Variants in CELSR1 observed in about 807,000 individuals in gnomAD.
CELSR1 encodes adhesion G protein-coupled receptor C1.
Under a neutral mutation model 249.1 loss-of-function variants are expected in CELSR1, and 110 were observed. The observed-to-expected ratio is 0.44, with a 90% CI of 0.38 to 0.52. The LOEUF is 0.52. Among genes scored for constraint, CELSR1 ranks in the 20% least tolerant of loss-of-function variants. The pLI, the probability that CELSR1 is intolerant of heterozygous loss-of-function variation, is 0.00. For missense variants in CELSR1, 4,109 were observed against 4,296.4 expected (o/e 0.96, Z 1.22); for synonymous variants, 2,113 against 1,900.0 (o/e 1.11, Z -2.92).
chr22:46,442,257 T>C (rs4823545), intron 2 of CELSR1, among the ~76,000 whole-genome samples: 23,172 of 152,292 alleles, frequency 0.15, 2,166 homozygotes, highest in African/African-American at 0.25. Flanking sequence ...GGGTTGCTGA[T>C]GGCTCACAGC....
At position 46,390,682 on chromosome 22, in the gene CELSR1, A is replaced by C. The variant is rs1480516212; in HGVS notation, c.6251-196T>G. ...GGCCGAAGCTGCTCTGACACTGACA[A>C]CCAGGCGTTTCGGGAGCCCAGCCAA... On this transcript the variant is annotated intron_variant, in intron 16 of 34. Coordinates refer to ENST00000674500, the MANE Select transcript of CELSR1 (RefSeq NM_001378328.1). The surrounding 1 kb of genome is among the most constrained non-coding windows in gnomAD (Gnocchi z 6.3). 6.6e-6 allele frequency among the ~76,000 whole-genome samples: 1 copy of C among 152,144 alleles called. No individual in the cohort carries two copies. Among genetic ancestry groups the C allele is most frequent in the Non-Finnish European group, 1.5e-5 (1 of 68,020 alleles).
intron 18 of CELSR1, among the ~76,000 whole-genome samples, chr22:46,387,589 G>A (rs1318908557): frequency 6.6e-6 from 1 of 151,766 alleles, no homozygotes; most frequent in Non-Finnish European, 1.5e-5. Flanking sequence ...GAACTCCTGG[G>A]CTCAGGCAAT....
chr22:46,444,954 C>T (rs949775856), intron 2 of CELSR1, among the ~76,000 whole-genome samples: 3 of 152,214 alleles, frequency 2.0e-5, no homozygotes, highest in African/African-American at 7.2e-5. Flanking sequence ...GCCTGTAATC[C>T]CAGCACTTTG....
intron 5 of CELSR1, among the ~76,000 whole-genome samples, chr22:46,421,734 G>C (rs1463722646): frequency 6.6e-6 from 1 of 152,248 alleles, no homozygotes; most frequent in East Asian, 1.9e-4. Flanking sequence ...GAGATGCAGG[G>C]TAAGTAAAGG....
chr22:46,364,783 A>G, intron 32 of CELSR1, 47 bp from the exon 33 acceptor site: 2 of 1,559,830 alleles, frequency 1.3e-6, no homozygotes, highest in East Asian at 4.5e-5. Context: ...CTGCCACTCG[A>G]GCTGCTCCCT....
chr22:46,480,193 G>A (rs932353641), intron 1 of CELSR1, among the ~76,000 whole-genome samples: 5 of 152,166 alleles, frequency 3.3e-5, no homozygotes, highest in Non-Finnish European at 7.3e-5. Flanking sequence ...CAGCCTCAAG[G>A]CCCATCAGCC....
In CELSR1 at chr22:46,363,813, C is replaced by T. The variant is rs534488536; in HGVS notation, c.9035+183G>A. 4.7e-5 allele frequency: 37 copies of T among 780,930 alleles called. No homozygotes were observed. The East Asian group carries it at 6.8e-4, about 14-fold the overall frequency. The allele number at this position is 780,930 out of a possible 1,614,324, so 48.4% of individuals were successfully genotyped here. ...CCAGGATAGGGGGTCTGCCCATCTC[C>T]GGGGTATCCTCCTGACCTCAGCTGC... On this transcript the variant is annotated intron_variant, in intron 34 of 34. Coordinates refer to ENST00000674500, the MANE Select transcript of CELSR1 (RefSeq NM_001378328.1). This position sits in a 1 kb window ranked among gnomAD's most constrained non-coding sequence, Gnocchi z 4.3.
chr22:46,528,050 G>A (rs1319641904), intron 1 of CELSR1, among the ~76,000 whole-genome samples: 1 of 144,580 alleles, frequency 6.9e-6, no homozygotes, highest in Non-Finnish European at 1.5e-5. Context: ...GTTGCAGTGA[G>A]CCAAATCATG....
Position 46,463,980 on chromosome 22 carries a change from C to T in CELSR1, c.3910G>A (p.Asp1304Asn), listed in dbSNP as rs1343971263. ...ISTQRVLPFDDNICLREPCEN... is the reference protein window; with the variant it reads ...ISTQRVLPFDNNICLREPCEN... ...CAGGGCTCGCGCAGGCAGATGTTGT[C>T]GTCGAAGGGCAGCACGCGCTGCGTG... The change falls in exon 2 of 35, where the codon GAC becomes AAC. Residue 1304 changes from aspartate (D) to asparagine (N), a missense_variant. Coordinates refer to ENST00000674500, the MANE Select transcript of CELSR1 (RefSeq NM_001378328.1). The T allele has an allele frequency of 2.5e-6, 4 of 1,613,948 alleles. No homozygotes were observed. Among genetic ancestry groups the T allele is most frequent in the Admixed American group, 1.7e-5 (1 of 60,034 alleles).
chr22:46,517,904 CTT>C lies in CELSR1; in HGVS notation c.3544+15721_3544+15722del, dbSNP rs11370514. Among the ~76,000 whole-genome samples the C allele has an allele frequency of 3.9e-4, 54 of 138,300 alleles. 1 individual carries two copies. The highest frequency in any genetic ancestry group is 3.1e-3 in the Admixed American group (42 of 13,752). The allele number at this position is 138,300 out of a possible 152,430, so 90.7% of individuals were successfully genotyped here. A position where few individuals can be genotyped will look rare whatever the true frequency, so the allele number is the denominator to read the frequency against. Reference sequence around the variant, plus strand: ...ACACACCTCCCACGGTGTCCCCTTCCTTTTTTTTTTTTTTTGAGACAGAGTTT... The same window carrying C: ...ACACACCTCCCACGGTGTCCCCTTCCTTTTTTTTTTTTTGAGACAGAGTTT... On this transcript the variant is annotated intron_variant, in intron 1 of 34. Coordinates refer to ENST00000674500, the MANE Select transcript of CELSR1 (RefSeq NM_001378328.1). This position sits in a 1 kb window ranked among gnomAD's most constrained non-coding sequence, Gnocchi z 5.4.
chr22:46,528,169 T>A (rs532116804), intron 1 of CELSR1, among the ~76,000 whole-genome samples: 2 of 151,066 alleles, frequency 1.3e-5, no homozygotes, highest in East Asian at 3.9e-4. Flanking sequence ...CTGCCATGCA[T>A]CCAGACAATG....
At chr22:46,499,669 G>A (rs2080447434) in intron 1 of CELSR1, among the ~76,000 whole-genome samples, 1 of 152,102 alleles carries the variant, frequency 6.6e-6, no homozygotes. Context: ...ACCCCCATCT[G>A]TCCCTACCAC....
chr22:46,534,662 T>G lies in CELSR1; in HGVS notation c.2509A>C (p.Ile837Leu), dbSNP rs2080830552. The change falls in exon 1 of 35, where the codon ATT becomes CTT. Residue 837 changes from isoleucine (I) to leucine (L), a missense_variant. This residue lies in a region of CELSR1 where 886 missense variants were observed against 896.5 expected (regional missense o/e 0.99). Coordinates refer to ENST00000674500, the MANE Select transcript of CELSR1 (RefSeq NM_001378328.1). This position sits in a 1 kb window ranked among gnomAD's most constrained non-coding sequence, Gnocchi z 9.7. ...TACATGGTGCCACTGTCGGGGTCAA[T>G]GCGGAACTGCGGCACGGGGTCCTGA... ...VIQDPVPQFR[I>L]DPDSGTMYTM... 1.9e-6 allele frequency: 3 copies of G among 1,613,676 alleles called. No homozygotes were observed. Among genetic ancestry groups the G allele is most frequent in the Admixed American group, 3.3e-5 (2 of 60,006 alleles).
In CELSR1 at chr22:46,471,588, GC is replaced by G. The variant is rs755419180; in HGVS notation, c.3545-7244del. On this transcript the variant is annotated intron_variant, in intron 1 of 34. Coordinates refer to ENST00000674500, the MANE Select transcript of CELSR1 (RefSeq NM_001378328.1). This position sits in a 1 kb window ranked among gnomAD's most constrained non-coding sequence, Gnocchi z 4.9. The stretch of plus-strand genomic sequence containing the variant: ...TGTTCTTGTTTTTTGTAGAGGTGAG[GC>G]CGTGCGATGTTGCCCAGGCTGGTCT... Among the ~76,000 whole-genome samples the G allele has an allele frequency of 6.6e-6, 1 of 152,070 alleles. No homozygotes were observed. Among genetic ancestry groups the G allele is most frequent in the African/African-American group, 2.4e-5 (1 of 41,414 alleles).
In CELSR1 at chr22:46,401,047, A is replaced by G. The variant is rs895811280; in HGVS notation, c.5227-1145T>C. ...TCTTATTCTACGGGAAAAAGGATCA[A>G]TCGCTTCATGGAGGTCAAGTAAGGG... On this transcript the variant is annotated intron_variant, in intron 9 of 34. Transcript: ENST00000674500. This position sits in a 1 kb window ranked among gnomAD's most constrained non-coding sequence, Gnocchi z 4.7. 6.6e-6 allele frequency among the ~76,000 whole-genome samples: 1 copy of G among 152,292 alleles called. No homozygotes were observed. The highest frequency in any genetic ancestry group is 2.1e-4 in the South Asian group (1 of 4,824).
chr22:46,501,672 A>G (rs562358534), intron 1 of CELSR1, among the ~76,000 whole-genome samples: 4 of 152,308 alleles, frequency 2.6e-5, no homozygotes, highest in African/African-American at 9.6e-5. Flanking sequence ...CCTTCAGTCA[A>G]TGCAACAAAG....
chr22:46,519,561 G>T (rs1288985183), intron 1 of CELSR1, among the ~76,000 whole-genome samples: 1 of 152,230 alleles, frequency 6.6e-6, no homozygotes, highest in African/African-American at 2.4e-5. Context: ...ACCAGGCAGA[G>T]CCTGGGCATC....
intron 1 of CELSR1, among the ~76,000 whole-genome samples, chr22:46,470,924 A>G (rs1437592945): frequency 6.6e-6 from 1 of 152,180 alleles, no homozygotes; most frequent in Non-Finnish European, 1.5e-5. Flanking sequence ...CAGGAGTTCG[A>G]GACTAGCCTG....
At chr22:46,491,117 C>T (rs2080363215) in intron 1 of CELSR1, among the ~76,000 whole-genome samples, 1 of 152,052 alleles carries the variant, frequency 6.6e-6, no homozygotes, top group South Asian at 2.1e-4. Context: ...AGAGCAGCAT[C>T]CCCCACCTCC....
Sources: gnomAD v4.1 joint callset for allele counts (sites outside exome capture counted in the v4.1 genomes callset) on GRCh38, gnomAD v4.1.1 for gene constraint, gnomAD v4.1.1 regional missense constraint, Gnocchi (gnomAD v3.1) non-coding constraint, MANE v1.5 for transcripts, NCBI Gene and HGNC (gene_info 2026-07-23, HGNC 2026-07-21) for gene names.